NEO1: variants seen among roughly 807,000 people sequenced by gnomAD.
The protein encoded by NEO1 is neogenin.
NEO1 carries 63 observed loss-of-function variants against 159.7 expected under a neutral mutation model. That is an observed-to-expected ratio of 0.39 (90% CI 0.32 to 0.49). The LOEUF (loss-of-function observed/expected upper bound fraction) is 0.49. Among genes scored for constraint, NEO1 ranks in the 20% least tolerant of loss-of-function variants. NEO1 has a pLI of 0.85. For missense variants in NEO1, 1,615 were observed against 1,831.0 expected, an observed-to-expected ratio of 0.88 and a Z score of 2.15; for synonymous variants, 633 against 662.0, an observed-to-expected ratio of 0.96 and a Z score of 0.67.
intron 1 of NEO1, among the ~76,000 whole-genome samples, chr15:73,104,109 G>C (rs1417213960): frequency 3.9e-5 from 6 of 152,148 alleles, no homozygotes; most frequent in African/African-American, 1.4e-4. Context: ...CGATCATCTT[G>C]CCTTGGCTTC....
intron 7 of NEO1, among the ~76,000 whole-genome samples, chr15:73,196,062 CTTT>C (rs374187963): frequency 2.0e-5 from 3 of 152,090 alleles, no homozygotes; most frequent in African/African-American, 7.2e-5. Flanking sequence ...TACCTTTCTG[CTTT>C]TTGTCTTCCT....
intron 1 of NEO1, among the ~76,000 whole-genome samples, chr15:73,073,130 T>G (rs2068614932): frequency 6.6e-6 from 1 of 152,034 alleles, no homozygotes; most frequent in South Asian, 2.1e-4. Flanking sequence ...TGTGGTTGAA[T>G]TGAGAAAGAT....
intron 5 of NEO1, among the ~76,000 whole-genome samples, chr15:73,158,290 C>A (rs1156932966): frequency 7.9e-6 from 1 of 126,678 alleles, no homozygotes; most frequent in East Asian, 2.6e-4. Flanking sequence ...GATAAAATTT[C>A]TCCTGGGATA....
At chr15:73,052,107 T>C, upstream of NEO1, 1 of 149,852 alleles carries the variant, frequency 6.7e-6, no homozygotes, top group Non-Finnish European at 1.5e-5. Context: ...GGGGTTTCCC[T>C]GACGCCAGCA....
intron 7 of NEO1, among the ~76,000 whole-genome samples, chr15:73,234,713 T>G (rs1190430416): frequency 6.6e-6 from 1 of 152,042 alleles, no homozygotes; most frequent in Non-Finnish European, 1.5e-5. Context: ...TCTGCACTCT[T>G]AAAAGCACTA....
chr15:73,186,487 G>T lies in NEO1; in HGVS notation c.1291+8060G>T, dbSNP rs184760390. Among the ~76,000 whole-genome samples the T allele has an allele frequency of 5.6e-3, 852 of 152,244 alleles. 7 individuals carry two copies. Among genetic ancestry groups the T allele is most frequent in the African/African-American group, 0.019 (802 of 41,538 alleles). ...ATGTGAAAGGAGAAAAACAAAGTGG[G>T]CTAGAGTGTTTTTAAAGTAAATATA... On this transcript the variant is annotated intron_variant, in intron 7 of 28. Coordinates refer to ENST00000261908, the MANE Select transcript of NEO1 (RefSeq NM_002499.4).
Position 73,093,655 on chromosome 15 carries a change from C to T in NEO1, c.131-22885C>T, listed in dbSNP as rs1450471722. The stretch of plus-strand genomic sequence containing the variant: ...GTGACATGCTTACAGCTCACTGCAA[C>T]CTCTGCCTCCCAGGCTCAGGTGATC... On this transcript the variant is annotated intron_variant, in intron 1 of 28. Coordinates refer to ENST00000261908, the MANE Select transcript of NEO1 (RefSeq NM_002499.4). Among the ~76,000 whole-genome samples, 5 of 151,788 alleles carry T rather than the reference C, an allele frequency of 3.3e-5. No individual in the cohort carries two copies. In the East Asian group the frequency reaches 9.7e-4, roughly 29 times the overall value.
At chr15:73,265,048 G>T (rs906455230) in intron 15 of NEO1, among the ~76,000 whole-genome samples, 4 of 152,144 alleles carry the variant, frequency 2.6e-5, no homozygotes, top group African/African-American at 9.7e-5. Context: ...AGGAAGAGTG[G>T]GATGTGACCC....
chr15:73,299,999 C>G (rs749003177), intron 27 of NEO1: 11 of 152,210 alleles, frequency 7.2e-5, no homozygotes, highest in Admixed American at 5.9e-4. Context: ...GAAACCTTAT[C>G]TATGAAATAT....
intron 7 of NEO1, among the ~76,000 whole-genome samples, chr15:73,197,562 T>C (rs1375276247): frequency 6.6e-6 from 1 of 152,132 alleles, no homozygotes; most frequent in South Asian, 2.1e-4. Flanking sequence ...TGTTAAAATA[T>C]GGAAAAGGAT....
At chr15:73,206,321 G>A (rs541364572) in intron 7 of NEO1, among the ~76,000 whole-genome samples, 85 of 152,126 alleles carry the variant, frequency 5.6e-4, no homozygotes, top group Non-Finnish European at 1.2e-3. Flanking sequence ...TTCTCTTGTT[G>A]AATTTTATGC....
At chr15:73,185,685 T>C (rs1030617363) in intron 7 of NEO1, among the ~76,000 whole-genome samples, 4 of 152,202 alleles carry the variant, frequency 2.6e-5, no homozygotes, top group Admixed American at 2.6e-4. Context: ...CACAAATGTT[T>C]AGAAGAATTT....
chr15:73,084,916 T>G (rs1171331087), intron 1 of NEO1, among the ~76,000 whole-genome samples: 1 of 152,100 alleles, frequency 6.6e-6, no homozygotes, highest in Non-Finnish European at 1.5e-5. Context: ...AACAACTGCC[T>G]TGTTCTAGGC....
intron 5 of NEO1, among the ~76,000 whole-genome samples, chr15:73,171,628 T>TATG (rs2034974723): frequency 6.8e-6 from 1 of 146,268 alleles, no homozygotes; most frequent in Admixed American, 6.9e-5. Flanking sequence ...TTATTATTAT[T>TATG]ATTATTATTA....
rs568423513 is a variant in NEO1, at chr15:73,208,045, A to G, written c.1292-28302A>G. 7.5e-4 allele frequency among the ~76,000 whole-genome samples: 115 copies of G among 152,366 alleles called. 1 individual carries two copies. Among genetic ancestry groups the G allele is most frequent in the African/African-American group, 2.7e-3 (111 of 41,590 alleles). ...TTTGGGAGCCATTTGCATACTAACT[A>G]AACATTTTGATTTTTCCTTCTGGAA... On this transcript the variant is annotated intron_variant, in intron 7 of 28. Transcript: ENST00000261908.
rs767389355 is a variant in NEO1, at chr15:73,116,828, T to C, written c.419T>C (p.Ile140Thr). The C allele has an allele frequency of 1.3e-6, 2 of 1,585,946 alleles. No homozygotes were observed. Among genetic ancestry groups the C allele is most frequent in the Non-Finnish European group, 1.7e-6 (2 of 1,168,740 alleles). Residue 140 changes from isoleucine (I) to threonine (T), a missense_variant, in exon 2 of 29, where the codon ATC (isoleucine) becomes ACC (threonine). By Grantham distance (89) the Ile-to-Thr change is moderately conservative. Transcript: ENST00000261908. ...VATVESLGTI[I>T]SRTAKLIVAG... ...ACTGTTGAGAGTCTTGGAACTATTA[T>C]CAGTAGAACAGCGAAGCTCATAGTA...
chr15:73,221,401 G>T, intron 7 of NEO1, among the ~76,000 whole-genome samples: 1 of 152,240 alleles, frequency 6.6e-6, no homozygotes. Flanking sequence ...TGAGGAGGCA[G>T]TCTGCCCGTT....
intron 1 of NEO1, among the ~76,000 whole-genome samples, chr15:73,057,602 A>G (rs2067772305): frequency 6.6e-6 from 1 of 152,192 alleles, no homozygotes; most frequent in South Asian, 2.1e-4. Flanking sequence ...CTAGTGAAAG[A>G]TGATTTTAAA....
chr15:73,298,725 G>A, intron 27 of NEO1, 114 bp downstream of exon 27: 1 of 1,387,950 alleles, frequency 7.2e-7, no homozygotes, highest in Admixed American at 2.2e-5. Flanking sequence ...TATCCTCCAA[G>A]CCTATCTTAG....
Sources: gnomAD v4.1 joint callset for allele counts (sites outside exome capture counted in the v4.1 genomes callset) on GRCh38, gnomAD v4.1.1 for gene constraint, MANE v1.5 for transcripts, NCBI Gene and HGNC (gene_info 2026-07-23, HGNC 2026-07-21) for gene names.